Variants in TEX9 observed in about 807,000 individuals in gnomAD.
TEX9 encodes testis expressed 9.
A neutral mutation model predicts 59.6 loss-of-function variants in TEX9; 74 were observed. That is an observed-to-expected ratio of 1.24 (90% CI 1.03 to 1.51). The LOEUF (loss-of-function observed/expected upper bound fraction) is 1.51, where lower values mean the gene tolerates loss of function less well. TEX9 is among the 40% of genes most tolerant of loss of function. TEX9 has a pLI of 0.00. For missense variants in TEX9, 522 were observed against 447.8 expected, an observed-to-expected ratio of 1.17 and a Z score of -1.49; for synonymous variants, 186 against 152.2, an observed-to-expected ratio of 1.22 and a Z score of -1.64.
chr15:56,388,582 ACTTTT>A, intron 5 of TEX9, 62 bp downstream of exon 5: 1 of 1,451,806 alleles, frequency 6.9e-7, no homozygotes, highest in African/African-American at 1.4e-5. Context: ...TATTTTTTAG[ACTTTT>A]CTTAGACAAA....
intron 4 of TEX9, among the ~76,000 whole-genome samples, chr15:56,387,311 A>G (rs2048006892): frequency 6.6e-6 from 1 of 151,978 alleles, no homozygotes; most frequent in Non-Finnish European, 1.5e-5. Flanking sequence ...AAAATGTACT[A>G]AAATGACAAA....
intron 9 of TEX9, among the ~76,000 whole-genome samples, chr15:56,404,264 T>C (rs2048955971): frequency 6.6e-6 from 1 of 152,156 alleles, no homozygotes; most frequent in African/African-American, 2.4e-5. Context: ...ATACAGAATC[T>C]ACAAAGAACT....
At chr15:56,270,643 T>G (rs1263076470) in intron 1 of TEX9, among the ~76,000 whole-genome samples, 1 of 152,220 alleles carries the variant, frequency 6.6e-6, no homozygotes, top group East Asian at 1.9e-4. Context: ...CATTTAAGGT[T>G]AATATTGTTA....
intron 1 of TEX9, among the ~76,000 whole-genome samples, chr15:56,320,221 C>A (rs761976694): frequency 3.9e-5 from 6 of 152,208 alleles, no homozygotes; most frequent in Non-Finnish European, 7.3e-5. Flanking sequence ...AGAGTGTATT[C>A]TCTGCTGAAG....
intron 12 of TEX9, among the ~76,000 whole-genome samples, chr15:56,441,119 C>T (rs1390613287): frequency 6.6e-6 from 1 of 151,976 alleles, no homozygotes; most frequent in Non-Finnish European, 1.5e-5. Context: ...TTTCTAATTT[C>T]CAATATTATT....
intron 1 of TEX9, among the ~76,000 whole-genome samples, chr15:56,283,705 G>T (rs2044874094): frequency 6.6e-6 from 1 of 151,396 alleles, no homozygotes; most frequent in South Asian, 2.1e-4. Context: ...AAAAAGTAAT[G>T]AAAAAAATTA....
chr15:56,439,228 T>C (rs1373181864), intron 12 of TEX9, among the ~76,000 whole-genome samples: 1 of 152,142 alleles, frequency 6.6e-6, no homozygotes, highest in Non-Finnish European at 1.5e-5. Context: ...CGTACAGGAT[T>C]TGTATGCTGA....
At chr15:56,431,431 TC>T (rs2050592613) in intron 12 of TEX9, 1 of 1,613,586 alleles carries the variant, frequency 6.2e-7, no homozygotes, top group African/African-American at 1.3e-5. Context: ...TAGCCTTTCT[TC>T]TTCAATAATT....
intron 1 of TEX9, among the ~76,000 whole-genome samples, chr15:56,279,882 C>A (rs2044773787): frequency 2.0e-5 from 3 of 152,158 alleles, no homozygotes; most frequent in Admixed American, 6.5e-5. Context: ...ACTTACAATG[C>A]TTTGACTTAC....
At chr15:56,458,372 C>A in the TEX9 span, among the ~76,000 whole-genome samples, 1 of 152,198 alleles carries the variant, frequency 6.6e-6, no homozygotes, top group Non-Finnish European at 1.5e-5. Flanking sequence ...TGTCCCTACA[C>A]ATGCTCAGCT....
At chr15:56,446,895 A>C (rs749826454), downstream of TEX9, 2 of 1,610,586 alleles carry the variant, frequency 1.2e-6, no homozygotes, top group South Asian at 1.1e-5. Flanking sequence ...CCCTTTCTTT[A>C]TTCATGTAAG....
Position 56,315,568 on chromosome 15 carries a change from G to C in TEX9, c.-106-57873G>C, listed in dbSNP as rs528549437. Among the ~76,000 whole-genome samples the C allele has an allele frequency of 2.4e-4, 35 of 148,678 alleles. No homozygotes were observed. In the East Asian group the frequency reaches 3.2e-3, roughly 13 times the overall value. ...TTTGAGGGTAACCCGACCTTTCTCT[G>C]TGGCTGCCCTTAACATTTTTTCCTT... On this transcript the variant is annotated intron_variant, in intron 1 of 5. Coordinates refer to the TEX9 transcript ENST00000560827.
chr15:56,399,450 G>C (rs549899912), intron 9 of TEX9, among the ~76,000 whole-genome samples: 4 of 152,248 alleles, frequency 2.6e-5, no homozygotes, highest in Non-Finnish European at 5.9e-5. Flanking sequence ...TAAACAAAGC[G>C]GCCGGGAAGC....
chr15:56,390,335 A>T (rs2048148729), intron 6 of TEX9, among the ~76,000 whole-genome samples: 2 of 152,012 alleles, frequency 1.3e-5, no homozygotes. Flanking sequence ...TATATTTTTA[A>T]AATAAAGAGT....
At chr15:56,325,691 C>T (rs1284908692) in intron 1 of TEX9, among the ~76,000 whole-genome samples, 4 of 152,160 alleles carry the variant, frequency 2.6e-5, no homozygotes, top group Non-Finnish European at 5.9e-5. Context: ...TTTGTCCAAA[C>T]TGACCAAATG....
chr15:56,293,825 A>G (rs542120677), intron 1 of TEX9, among the ~76,000 whole-genome samples: 187 of 152,364 alleles, frequency 1.2e-3, no homozygotes, highest in Non-Finnish European at 2.1e-3. Flanking sequence ...TCATGCAGGG[A>G]GGATGACCAG....
At chr15:56,274,164 G>A (rs763473996) in intron 1 of TEX9, among the ~76,000 whole-genome samples, 28 of 152,192 alleles carry the variant, frequency 1.8e-4, no homozygotes, top group African/African-American at 5.3e-4. Flanking sequence ...GCTCTGAGCC[G>A]TTTTTATTTA....
At chr15:56,412,962 G>A (rs951810182) in intron 10 of TEX9, among the ~76,000 whole-genome samples, 1 of 151,970 alleles carries the variant, frequency 6.6e-6, no homozygotes, top group Admixed American at 6.6e-5. Context: ...CAAGTTCCCA[G>A]GTAAATTATT....
chr15:56,382,439 T>C (rs1196965404), intron 3 of TEX9, among the ~76,000 whole-genome samples: 4 of 152,174 alleles, frequency 2.6e-5, no homozygotes, highest in African/African-American at 7.2e-5. Context: ...AGTCTTTCAC[T>C]GTAGCCACTA....
Sources: gnomAD v4.1 joint callset for allele counts (sites outside exome capture counted in the v4.1 genomes callset) on GRCh38, gnomAD v4.1.1 for gene constraint, MANE v1.5 for transcripts, NCBI Gene and HGNC (gene_info 2026-07-23, HGNC 2026-07-21) for gene names.